Variants in TMEM35A observed in about 807,000 individuals in gnomAD.
TMEM35A encodes nicotinic acetylcholine receptor chaperone.
For missense variants in TMEM35A, 83 were observed against 132.7 expected, an observed-to-expected ratio of 0.63 and a Z score of 1.84; for synonymous variants, 50 against 54.7, an observed-to-expected ratio of 0.91 and a Z score of 0.38.
intron 1 of TMEM35A, among the ~76,000 whole-genome samples, chrX:101,084,908 CA>C (rs1297522600): frequency 3.7e-5 from 4 of 109,582 alleles, no homozygotes; most frequent in African/African-American, 1.0e-4. Context: ...AGAAAAAAAA[CA>C]AAAAAAACCC....
intron 1 of TMEM35A, among the ~76,000 whole-genome samples, chrX:101,088,022 A>C (rs957310484): frequency 9.2e-6 from 1 of 108,142 alleles, no homozygotes; most frequent in Non-Finnish European, 1.9e-5. Flanking sequence ...AAAATAAATA[A>C]ATAAAATAAA....
Position 101,090,169 on chromosome X carries a change from C to CTTTTTTTTTTTTTTTTTTT in TMEM35A, c.121-4393_121-4392insTTTTTTTTTTTTTTTTTTT, listed in dbSNP as rs771239790. Among the ~76,000 whole-genome samples the CTTTTTTTTTTTTTTTTTTT allele has an allele frequency of 1.6e-3, 158 of 97,441 alleles. 6 individuals are homozygous for CTTTTTTTTTTTTTTTTTTT. The highest frequency in any genetic ancestry group is 6.7e-3 in the African/African-American group (151 of 22,700). 84.6% of individuals were successfully genotyped at this position (97,441 alleles called of 115,157 possible). A position where few individuals can be genotyped will look rare whatever the true frequency, so the allele number is the denominator to read the frequency against. On this transcript the variant is annotated intron_variant, in intron 1 of 1. Transcript: ENST00000372930. The stretch of plus-strand genomic sequence containing the variant: ...ACTCTGTCTTTCCATTTCTTTCTTT[C>CTTTTTTTTTTTTTTTTTTT]TTTTTTTTTTTGAGACAGAGTCTTG...
At chrX:101,088,059 A>G (rs1475430926) in intron 1 of TMEM35A, among the ~76,000 whole-genome samples, 3 of 110,202 alleles carry the variant, frequency 2.7e-5, no homozygotes, top group Non-Finnish European at 5.7e-5. Flanking sequence ...TTAGCCGGGC[A>G]TGGTGGTGCG....
intron 1 of TMEM35A, among the ~76,000 whole-genome samples, chrX:101,080,120 C>T (rs1435522103): frequency 1.8e-5 from 2 of 111,446 alleles, no homozygotes; most frequent in East Asian, 5.6e-4. Context: ...GCCAGACTTC[C>T]AATAATGGGA....
chrX:101,078,921 C>A lies in TMEM35A; in HGVS notation c.-82C>A. ...CTGCCTCCGCAGCGTCCCCCCAGCT[C>A]TCCCTGTGCTAACTGCCTGCACCTT... On this transcript the variant is annotated 5_prime_UTR_variant, in exon 1 of 2. Transcript: ENST00000372930. 8.6e-7 allele frequency: 1 copy of A among 1,164,971 alleles called. No homozygotes were observed.
chrX:101,090,247 G>A (rs1484147969), intron 1 of TMEM35A, among the ~76,000 whole-genome samples: 2 of 106,490 alleles, frequency 1.9e-5, no homozygotes, highest in Non-Finnish European at 3.8e-5. Context: ...CTGCCTCCTG[G>A]GCTCAAGTGA....
chrX:101,094,531 C>CATGGTTAAT (rs1199776831), intron 1 of TMEM35A, 42 bp from the exon 2 acceptor site: 7 of 1,142,978 alleles, frequency 6.1e-6, no homozygotes, highest in Non-Finnish European at 8.1e-6. Context: ...ATGTTAAAAT[C>CATGGTTAAT]ATGGTTAATG....
At chrX:101,087,806 C>T (rs1261191728) in intron 1 of TMEM35A, among the ~76,000 whole-genome samples, 3 of 111,367 alleles carry the variant, frequency 2.7e-5, no homozygotes, top group Non-Finnish European at 5.6e-5. Flanking sequence ...GAGTTTGAGA[C>T]GAGCCTGGCC....
intron 1 of TMEM35A, among the ~76,000 whole-genome samples, chrX:101,090,345 T>TG (rs1366959055): frequency 9.6e-6 from 1 of 104,111 alleles, no homozygotes; most frequent in Admixed American, 1.0e-4. Context: ...TTTTTTTTTT[T>TG]GTAGTAGAGA....
chrX:101,089,525 C>T (rs1258094446), intron 1 of TMEM35A, among the ~76,000 whole-genome samples: 2 of 105,354 alleles, frequency 1.9e-5, no homozygotes, highest in Non-Finnish European at 3.9e-5. Context: ...AACTAGAAAG[C>T]GGCAGGATCA....
chrX:101,078,887 A>AGCTGCCT lies in TMEM35A; in HGVS notation c.-108_-102dup, dbSNP rs1256570537. The AGCTGCCT allele has an allele frequency of 1.2e-5, 12 of 997,465 alleles. No individual in the cohort carries two copies. Among genetic ancestry groups the AGCTGCCT allele is most frequent in the Non-Finnish European group, 1.7e-5 (12 of 725,423 alleles). 82.2% of individuals were successfully genotyped at this position (997,465 alleles called of 1,213,427 possible). On this transcript the variant is annotated 5_prime_UTR_variant, in exon 1 of 2. Transcript: ENST00000372930. ...CTCCCTCCTCTCCCTTTGTCATTCT[A>AGCTGCCT]GCTGCCTGCTGCCTCCGCAGCGTCC...
At chrX:101,082,119 CTT>C (rs2089293535) in intron 1 of TMEM35A, among the ~76,000 whole-genome samples, 1 of 35,008 alleles carries the variant, frequency 2.9e-5, no homozygotes, top group Non-Finnish European at 5.9e-5. Context: ...TTTCTTTTTT[CTT>C]TTTCTTTCTT....
Position 101,082,133 on chromosome X carries a change from C to CTTTTTTTTTTTTTT in TMEM35A, c.120+3021_120+3034dup. 4.5e-3 allele frequency among the ~76,000 whole-genome samples: 92 copies of CTTTTTTTTTTTTTT among 20,440 alleles called. 1 individual carries two copies. The highest frequency in any genetic ancestry group is 8.7e-3 in the Admixed American group (13 of 1,493). The allele number at this position is 20,440 out of a possible 115,157, so 17.7% of individuals were successfully genotyped here. ...ATTTCTTTTTTCTTTTTCTTTCTTT[C>CTTTTTTTTTTTTTT]TTTTTTTTTTTTTTTTTTTTTTTGC... is the stretch of plus-strand genomic sequence containing the variant. On this transcript the variant is annotated intron_variant, in intron 1 of 1. Coordinates refer to ENST00000372930, the MANE Select transcript of TMEM35A (RefSeq NM_021637.3).
intron 1 of TMEM35A, among the ~76,000 whole-genome samples, chrX:101,088,035 T>G (rs191567171): frequency 4.6e-3 from 432 of 94,542 alleles, no homozygotes; most frequent in African/African-American, 0.015. Context: ...AAAATAAAAA[T>G]AAAAATACAA....
At chrX:101,091,297 T>G (rs2089323427) in intron 1 of TMEM35A, among the ~76,000 whole-genome samples, 1 of 85,739 alleles carries the variant, frequency 1.2e-5, no homozygotes, top group African/African-American at 4.7e-5. Context: ...CTTTTCTCTC[T>G]CTCTCTTTTT....
chrX:101,092,339 G>A (rs929184948), intron 1 of TMEM35A, among the ~76,000 whole-genome samples: 1 of 111,745 alleles, frequency 8.9e-6, no homozygotes, highest in Non-Finnish European at 1.9e-5. Context: ...GGCCAAAATG[G>A]ATAGTGAAAA....
chrX:101,085,649 C>G (rs961066528), intron 1 of TMEM35A, among the ~76,000 whole-genome samples: 5 of 110,138 alleles, frequency 4.5e-5, no homozygotes, highest in African/African-American at 1.7e-4. Flanking sequence ...GCTCCATAGG[C>G]CAGGCGCATT....
intron 1 of TMEM35A, among the ~76,000 whole-genome samples, chrX:101,080,309 C>T (rs373102315): frequency 1.1e-4 from 12 of 111,699 alleles, no homozygotes; most frequent in African/African-American, 3.3e-4. Flanking sequence ...GGCCCCTTAA[C>T]GTGAGCTGCA....
intron 1 of TMEM35A, among the ~76,000 whole-genome samples, chrX:101,086,624 T>C (rs772928151): frequency 8.9e-6 from 1 of 112,365 alleles, no homozygotes; most frequent in African/African-American, 3.2e-5. Context: ...AGAATCCCAG[T>C]CCAAGGATAT....
Sources: gnomAD v4.1 joint callset for allele counts (sites outside exome capture counted in the v4.1 genomes callset) on GRCh38, gnomAD v4.1.1 for gene constraint, MANE v1.5 for transcripts, NCBI Gene and HGNC (gene_info 2026-07-23, HGNC 2026-07-21) for gene names.